Variants in CDH12 observed in about 807,000 individuals in gnomAD.
The protein encoded by CDH12 is cadherin 12, also known as cadherin-12.
Under a neutral mutation model 74.1 loss-of-function variants are expected in CDH12, and 41 were observed. The ratio of observed to expected loss-of-function variants is 0.55; its 90% CI spans 0.43 to 0.72. The LOEUF is 0.72. Ranked by LOEUF, CDH12 falls within the 30% of genes least tolerant of loss-of-function variation. CDH12 has a pLI of 0.00. For synonymous variants in CDH12, 399 were observed against 355.0 expected, an observed-to-expected ratio of 1.12 and a Z score of -1.39; for missense variants, 945 against 977.2, an observed-to-expected ratio of 0.97 and a Z score of 0.44.
intron 3 of CDH12, among the ~76,000 whole-genome samples, chr5:22,283,395 G>T (rs931602737): frequency 1.3e-5 from 2 of 150,324 alleles, no homozygotes; most frequent in African/African-American, 2.4e-5. Flanking sequence ...TATTATATAT[G>T]TGATATATAC....
intron 3 of CDH12, among the ~76,000 whole-genome samples, chr5:22,236,672 G>A (rs1485111692): frequency 2.0e-5 from 3 of 152,096 alleles, no homozygotes; most frequent in Non-Finnish European, 2.9e-5. Flanking sequence ...GCTTGAACCC[G>A]CGAGGCAGAG....
At chr5:22,279,946 C>A (rs368545124) in intron 3 of CDH12, among the ~76,000 whole-genome samples, 1 of 152,124 alleles carries the variant, frequency 6.6e-6, no homozygotes, top group Non-Finnish European at 1.5e-5. Context: ...CCTGAGGAAT[C>A]GCCACACTAT....
intron 1 of CDH12, among the ~76,000 whole-genome samples, chr5:22,713,180 C>CG (rs1356153011): frequency 1.4e-5 from 2 of 142,462 alleles, no homozygotes; most frequent in African/African-American, 5.3e-5. Flanking sequence ...CTTGCTCTCC[C>CG]GCCCATCTGG....
chr5:22,471,544 T>G (rs988293416), intron 2 of CDH12, among the ~76,000 whole-genome samples: 1 of 152,206 alleles, frequency 6.6e-6, no homozygotes, highest in Non-Finnish European at 1.5e-5. Context: ...AAGGCTACAT[T>G]TGTTTCAACA....
At chr5:22,557,814 T>A (rs1357068099) in intron 1 of CDH12, among the ~76,000 whole-genome samples, 1 of 152,144 alleles carries the variant, frequency 6.6e-6, no homozygotes, top group Non-Finnish European at 1.5e-5. Context: ...TCATTAGTAA[T>A]TCAATTAAGT....
At chr5:22,404,259 A>G (rs1742848263) in intron 3 of CDH12, among the ~76,000 whole-genome samples, 1 of 152,060 alleles carries the variant, frequency 6.6e-6, no homozygotes, top group Admixed American at 6.6e-5. Flanking sequence ...GGAAACTCAA[A>G]GCACAAACTC....
chr5:22,481,917 T>TA (rs1746399433), intron 2 of CDH12, among the ~76,000 whole-genome samples: 1 of 152,154 alleles, frequency 6.6e-6, no homozygotes, highest in Admixed American at 6.5e-5. Flanking sequence ...AGGAAACTTT[T>TA]AGAGTGAAGG....
At chr5:22,017,712 G>GA (rs1340175908) in intron 5 of CDH12, among the ~76,000 whole-genome samples, 2 of 151,844 alleles carry the variant, frequency 1.3e-5, no homozygotes, top group East Asian at 3.9e-4. Context: ...TCGATGCAGA[G>GA]ACATCTGAGC....
chr5:21,935,250 A>T (rs1370808079), intron 6 of CDH12, among the ~76,000 whole-genome samples: 1 of 152,138 alleles, frequency 6.6e-6, no homozygotes, highest in Non-Finnish European at 1.5e-5. Context: ...AATTTTATAT[A>T]TGCTTTCATT....
intron 1 of CDH12, among the ~76,000 whole-genome samples, chr5:22,747,452 T>A (rs1223910898): frequency 6.8e-6 from 1 of 146,822 alleles, no homozygotes; most frequent in Non-Finnish European, 1.5e-5. Flanking sequence ...AGTGAGACCC[T>A]GTCTGTACAA....
At chr5:22,716,292 C>G (rs1166318799) in intron 1 of CDH12, among the ~76,000 whole-genome samples, 2 of 152,068 alleles carry the variant, frequency 1.3e-5, no homozygotes, top group African/African-American at 4.8e-5. Context: ...GATGAGAATA[C>G]AATCGTATAC....
intron 5 of CDH12, among the ~76,000 whole-genome samples, chr5:22,052,777 G>A (rs922736150): frequency 2.0e-5 from 3 of 151,930 alleles, no homozygotes; most frequent in African/African-American, 7.2e-5. Flanking sequence ...TTATCTTTAA[G>A]TTTCCTGGAT....
chr5:22,563,076 TTA>T (rs536093698), intron 1 of CDH12, among the ~76,000 whole-genome samples: 91 of 147,204 alleles, frequency 6.2e-4, no homozygotes, highest in Middle Eastern at 3.6e-3. Flanking sequence ...ATTTATATAT[TTA>T]TATATATATA....
intron 5 of CDH12, among the ~76,000 whole-genome samples, chr5:22,066,320 C>G (rs1023843649): frequency 6.6e-6 from 1 of 152,120 alleles, no homozygotes; most frequent in African/African-American, 2.4e-5. Context: ...CCCTTCCCAT[C>G]TTTTCCTCTA....
chr5:22,144,599 G>A (rs915284373), intron 4 of CDH12, among the ~76,000 whole-genome samples: 2 of 152,074 alleles, frequency 1.3e-5, no homozygotes, highest in African/African-American at 2.4e-5. Flanking sequence ...TATTCGTTAT[G>A]TGGAGGCATC....
At position 22,664,532 on chromosome 5, in the gene CDH12, G is replaced by T. The variant is rs182275389; in HGVS notation, c.-522-159168C>A. Among the ~76,000 whole-genome samples, 8 of 152,240 alleles carry T rather than the reference G, an allele frequency of 5.3e-5. No individual in the cohort carries two copies. The East Asian group carries it at 7.7e-4, about 15-fold the overall frequency. On this transcript the variant is annotated intron_variant, in intron 1 of 14. Coordinates refer to ENST00000382254, the MANE Select transcript of CDH12 (RefSeq NM_004061.5). ...CTCCACCTGATCTCACCCTTGACTCGTAGGGATTATGGGGATTGCAATTCA... is the reference window on the plus strand; with the variant it reads ...CTCCACCTGATCTCACCCTTGACTCTTAGGGATTATGGGGATTGCAATTCA...
chr5:21,883,659 C>A, intron 6 of CDH12: 1 of 1,611,974 alleles, frequency 6.2e-7, no homozygotes, highest in South Asian at 1.1e-5. Flanking sequence ...CGATGCCATG[C>A]TCTTAAAAGG....
In CDH12 at chr5:21,839,737, G is replaced by GA. The variant is rs561452784; in HGVS notation, c.814+2423dup. ...CGTAAACTCTCCTGGAGTGGAAAGAGAAAAAACTGTGTTTTTTTGACTGTT... is the reference window on the plus strand; with the variant it reads ...CGTAAACTCTCCTGGAGTGGAAAGAGAAAAAAACTGTGTTTTTTTGACTGTT... On this transcript the variant is annotated intron_variant, in intron 8 of 14. Coordinates refer to ENST00000382254, the MANE Select transcript of CDH12 (RefSeq NM_004061.5). 3.3e-4 allele frequency among the ~76,000 whole-genome samples: 50 copies of GA among 152,236 alleles called. No homozygotes were observed. The East Asian group carries it at 4.2e-3, about 13-fold the overall frequency.
At chr5:22,245,013 T>C (rs1752898654) in intron 3 of CDH12, among the ~76,000 whole-genome samples, 1 of 151,996 alleles carries the variant, frequency 6.6e-6, no homozygotes, top group South Asian at 2.1e-4. Flanking sequence ...CCCGCTGATA[T>C]GGTGGAGGCG....
Sources: allele counts gnomAD v4.1 joint callset (sites outside exome capture counted in the v4.1 genomes callset), GRCh38; gene constraint gnomAD v4.1.1; transcripts MANE v1.5; gene names NCBI Gene and HGNC (gene_info 2026-07-23, HGNC 2026-07-21).